SCTR: variants seen among roughly 807,000 people sequenced by gnomAD.
SCTR encodes pancreatic secretin receptor.
A neutral mutation model predicts 60.8 loss-of-function variants in SCTR; 56 were observed. That is an observed-to-expected ratio of 0.92 (90% CI 0.74 to 1.15). SCTR has a LOEUF of 1.15. SCTR is among the 50% of genes most tolerant of loss of function. SCTR has a pLI of 0.00. For synonymous variants in SCTR, 202 were observed against 217.0 expected (o/e 0.93, Z 0.61); for missense variants, 562 against 550.4 (o/e 1.02, Z -0.21).
intron 6 of SCTR, among the ~76,000 whole-genome samples, chr2:119,462,929 A>G (rs778505604): frequency 3.3e-5 from 5 of 152,172 alleles, no homozygotes; most frequent in Non-Finnish European, 5.9e-5. Flanking sequence ...GGCCTTGTCC[A>G]CTGCTGGTCA....
intron 2 of SCTR, chr2:119,479,591 T>C (rs1361978796): frequency 6.6e-6 from 1 of 152,338 alleles, no homozygotes; most frequent in Non-Finnish European, 1.5e-5. Flanking sequence ...CTGATGCTGT[T>C]TGTCCTGGGA....
chr2:119,506,773 G>T (rs1268600747), intron 1 of SCTR, among the ~76,000 whole-genome samples: 2 of 152,164 alleles, frequency 1.3e-5, no homozygotes, highest in Non-Finnish European at 2.9e-5. Context: ...ACCATGTCTG[G>T]CCTATATAAT....
chr2:119,490,411 C>A (rs1013672028), intron 2 of SCTR, among the ~76,000 whole-genome samples: 11 of 152,214 alleles, frequency 7.2e-5, no homozygotes, highest in Admixed American at 5.2e-4. Context: ...CCTGGGTTCT[C>A]TTCCCTTCCC....
chr2:119,517,948 A>G (rs902784213), intron 1 of SCTR, among the ~76,000 whole-genome samples: 1 of 152,210 alleles, frequency 6.6e-6, no homozygotes, highest in Non-Finnish European at 1.5e-5. Context: ...GTTAAACAGC[A>G]TTGTAGTAAT....
chr2:119,488,006 G>T (rs75542251), intron 2 of SCTR, among the ~76,000 whole-genome samples: 4,233 of 152,130 alleles, frequency 0.028, 190 homozygotes, highest in African/African-American at 0.092. Context: ...GTCTTTTAGG[G>T]GATTTTTCCT....
In SCTR at chr2:119,488,588, C is replaced by T. The variant is rs573226692; in HGVS notation, c.193+5840G>A. Among the ~76,000 whole-genome samples the T allele has an allele frequency of 3.2e-4, 48 of 152,300 alleles. 1 individual carries two copies. In the East Asian group the frequency reaches 8.1e-3, roughly 26 times the overall value. On this transcript the variant is annotated intron_variant, in intron 2 of 12. Transcript: ENST00000019103. ...GAGACATGGACGTGGGTGCAACTTC[C>T]CGGAGTAATGTGAATGTGCACTTGG... is the stretch of plus-strand genomic sequence containing the variant.
At position 119,478,777 on chromosome 2, in the gene SCTR, C is replaced by T. The variant is rs373006130; in HGVS notation, c.301+34G>A. ...CCCCACCCAGAGGGACACCCCTCAG[C>T]CTGTCCGCCAGGCCCCATGGGCCGA... On this transcript the variant is annotated intron_variant, in intron 3 of 12. Coordinates refer to ENST00000019103, the MANE Select transcript of SCTR (RefSeq NM_002980.3). 1.3e-5 allele frequency: 21 copies of T among 1,606,858 alleles called. No homozygotes were observed. The African/African-American group carries it at 2.8e-4, about 21-fold the overall frequency.
intron 2 of SCTR, among the ~76,000 whole-genome samples, chr2:119,488,918 T>C (rs1399101067): frequency 1.3e-5 from 2 of 152,184 alleles, no homozygotes; most frequent in African/African-American, 4.8e-5. Flanking sequence ...TCCGGCTGAC[T>C]CTATTTGCTT....
At chr2:119,521,568 G>T (rs1321992798) in intron 1 of SCTR, among the ~76,000 whole-genome samples, 1 of 152,102 alleles carries the variant, frequency 6.6e-6, no homozygotes, top group Admixed American at 6.5e-5. Flanking sequence ...TTCTTATAGG[G>T]AGGCCTCAGA....
At chr2:119,513,242 T>A (rs1274891525) in intron 1 of SCTR, among the ~76,000 whole-genome samples, 4 of 152,252 alleles carry the variant, frequency 2.6e-5, no homozygotes, top group Non-Finnish European at 5.9e-5. Flanking sequence ...TCCAAAGATT[T>A]CTGGAAATTT....
intron 4 of SCTR, among the ~76,000 whole-genome samples, chr2:119,472,318 T>C (rs971514662): frequency 6.6e-6 from 1 of 152,050 alleles, no homozygotes; most frequent in Non-Finnish European, 1.5e-5. Flanking sequence ...TCAAAGGATA[T>C]ATAAGAATCA....
chr2:119,491,490 GTTTC>G (rs1455039299), intron 2 of SCTR, among the ~76,000 whole-genome samples: 1 of 152,020 alleles, frequency 6.6e-6, no homozygotes, highest in Non-Finnish European at 1.5e-5. Context: ...CATTTTACAT[GTTTC>G]TTTCTTTCTT....
chr2:119,516,686 G>A (rs996737565), intron 1 of SCTR, among the ~76,000 whole-genome samples: 2 of 152,166 alleles, frequency 1.3e-5, no homozygotes, highest in African/African-American at 4.8e-5. Context: ...CGGGCCGGGT[G>A]TGGTGGTTCA....
chr2:119,444,417 C>A (rs201383839), intron 11 of SCTR, among the ~76,000 whole-genome samples: 226 of 4,502 alleles, frequency 0.05, 21 homozygotes, highest in African/African-American at 0.15. Context: ...ATATATATAC[C>A]CATATACGTA....
chr2:119,464,981 G>C (rs1368559216), intron 5 of SCTR, among the ~76,000 whole-genome samples: 1 of 152,250 alleles, frequency 6.6e-6, no homozygotes, highest in African/African-American at 2.4e-5. Flanking sequence ...CTGCTGCAGG[G>C]GACAGAAGTC....
chr2:119,465,760 G>A (rs1371618145), intron 5 of SCTR, 29 bp downstream of exon 5: 1 of 1,463,576 alleles, frequency 6.8e-7, no homozygotes, highest in African/African-American at 1.4e-5. Flanking sequence ...GGAGGGCTGG[G>A]GTATGGAGAG....
intron 1 of SCTR, among the ~76,000 whole-genome samples, chr2:119,503,523 G>A (rs555647634): frequency 6.6e-6 from 1 of 152,258 alleles, no homozygotes; most frequent in Admixed American, 6.5e-5. Context: ...GGGACAGAGT[G>A]AGAAATAAAT....
chr2:119,515,680 C>A (rs186275525), intron 1 of SCTR, among the ~76,000 whole-genome samples: 362 of 151,568 alleles, frequency 2.4e-3, no homozygotes, highest in African/African-American at 8.4e-3. Context: ...CACAAGTGGT[C>A]CCCCCATGGT....
chr2:119,450,883 G>A (rs1377199306), intron 9 of SCTR, among the ~76,000 whole-genome samples: 2 of 152,186 alleles, frequency 1.3e-5, no homozygotes, highest in Non-Finnish European at 2.9e-5. Flanking sequence ...GGTCACCTGA[G>A]CCCAGGAGGT....
Sources: gnomAD v4.1 joint callset for allele counts (sites outside exome capture counted in the v4.1 genomes callset) on GRCh38, gnomAD v4.1.1 for gene constraint, MANE v1.5 for transcripts, NCBI Gene and HGNC (gene_info 2026-07-23, HGNC 2026-07-21) for gene names.